CACNA1G: variants seen among roughly 807,000 people sequenced by gnomAD.
CACNA1G encodes the protein voltage-dependent T-type calcium channel subunit alpha-1G.
A neutral mutation model predicts 219.4 loss-of-function variants in CACNA1G; 67 were observed. That is an observed-to-expected ratio of 0.31 (90% CI 0.25 to 0.37). The LOEUF (loss-of-function observed/expected upper bound fraction) is 0.37. Ranked by LOEUF, CACNA1G falls within the 10% of genes least tolerant of loss-of-function variation. The pLI, the probability that CACNA1G is intolerant of heterozygous loss-of-function variation, is 1.00. For synonymous variants in CACNA1G, 1,296 were observed against 1,345.3 expected (o/e 0.96, Z 0.80); for missense variants, 2,380 against 3,231.4 (o/e 0.74, Z 6.39).
intron 13 of CACNA1G, 138 bp downstream of exon 13, chr17:50,592,230 C>T (rs552724811): frequency 1.5e-5 from 13 of 865,724 alleles, no homozygotes; most frequent in Admixed American, 5.7e-5. Flanking sequence ...TAGACTAAGC[C>T]GGGGTGGACC....
At chr17:50,592,247 G>A (rs2044477290) in intron 13 of CACNA1G, among the ~76,000 whole-genome samples, 155 bp downstream of exon 13, 1 of 152,158 alleles carries the variant, frequency 6.6e-6, no homozygotes, top group Non-Finnish European at 1.5e-5. Flanking sequence ...GACCAGGGCG[G>A]GAGGCTCCAG....
chr17:50,586,179 C>G, intron 9 of CACNA1G, among the ~76,000 whole-genome samples: 1 of 152,232 alleles, frequency 6.6e-6, no homozygotes, highest in East Asian at 1.9e-4. Flanking sequence ...GCCACCACTG[C>G]AGCCAGATTA....
At chr17:50,592,773 C>T (rs1030279401) in intron 13 of CACNA1G, among the ~76,000 whole-genome samples, 2 of 152,174 alleles carry the variant, frequency 1.3e-5, no homozygotes, top group Admixed American at 1.3e-4. Flanking sequence ...CCAGACCCAC[C>T]CCAGCTTGCT....
intron 24 of CACNA1G, chr17:50,607,458 A>T: frequency 3.0e-6 from 1 of 334,426 alleles, no homozygotes; most frequent in East Asian, 7.5e-5. Flanking sequence ...GCACCACTGC[A>T]CTCCAGCCTA....
chr17:50,586,533 T>C (rs559241101), intron 9 of CACNA1G, among the ~76,000 whole-genome samples: 25 of 152,116 alleles, frequency 1.6e-4, no homozygotes, highest in African/African-American at 5.8e-4. Flanking sequence ...TTGCCCCCAG[T>C]GTGGTGTTTA....
Position 50,572,536 on chromosome 17 carries a change from C to T in CACNA1G, c.747-18C>T. ...CCCACTCCCCAGTCTCACCCCTGTT[C>T]CCCTTCCCATCCTGCAGCCCCCTGA... On this transcript the variant is annotated intron_variant, in intron 5 of 37. Coordinates refer to ENST00000359106, the MANE Select transcript of CACNA1G (RefSeq NM_018896.5). 1 of 1,515,556 alleles carries T rather than the reference C, an allele frequency of 6.6e-7. No individual in the cohort carries two copies. Among genetic ancestry groups the T allele is most frequent in the Admixed American group, 2.1e-5 (1 of 48,650 alleles). The allele number at this position is 1,515,556 out of a possible 1,614,324, so 93.9% of individuals were successfully genotyped here. A position where few individuals can be genotyped will look rare whatever the true frequency, so the allele number is the denominator to read the frequency against.
At chr17:50,619,041 G>A (rs775183794) in intron 33 of CACNA1G, 33 bp downstream of exon 33, 1 of 1,466,574 alleles carries the variant, frequency 6.8e-7, no homozygotes, top group Non-Finnish European at 9.0e-7. Context: ...CGTGAGAGGA[G>A]CTGGGGCAGG....
intron 7 of CACNA1G, among the ~76,000 whole-genome samples, chr17:50,575,026 G>A (rs1336229914): frequency 1.3e-5 from 2 of 152,184 alleles, no homozygotes; most frequent in East Asian, 1.9e-4. Flanking sequence ...CTCGCCCAAA[G>A]TCACACAGCT....
At position 50,575,887 on chromosome 17, in the gene CACNA1G, G is replaced by GCAC. The variant is rs751803143; in HGVS notation, c.1500_1502dup (p.His504dup). On this transcript the variant is annotated inframe_insertion, in exon 8 of 38. Coordinates refer to ENST00000359106, the MANE Select transcript of CACNA1G (RefSeq NM_018896.5). ...GCCGCCTATCCGTCCACCACCTGGT[G>GCAC]CACCACCACCACCACCATCACCACC... The GCAC allele has an allele frequency of 9.6e-6, 15 of 1,556,066 alleles. No homozygotes were observed. The highest frequency in any genetic ancestry group is 1.4e-5 in the African/African-American group (1 of 73,482).
chr17:50,607,567 C>G, intron 24 of CACNA1G: 1 of 479,756 alleles, frequency 2.1e-6, no homozygotes, highest in South Asian at 2.8e-5. Context: ...GTCTGAAGAT[C>G]TGGGAAGACT....
At position 50,576,112 on chromosome 17, in the gene CACNA1G, G is replaced by T. The variant is rs753452374; in HGVS notation, c.1710G>T (p.Ala570=). ...DCHLEPVRCQ[A]PPPRSPSEAS... is the part of the protein sequence containing the mutation. ...ACTTAGAGCCAGTCCGCTGCCAGGC[G>T]CCCCCTCCCAGGTCCCCATCTGAGG... is the stretch of plus-strand genomic sequence containing the variant. The change falls in exon 8 of 38, where the codon GCG becomes GCT. Residue 570 remains alanine, a synonymous_variant. Transcript: ENST00000359106. The T allele has an allele frequency of 3.8e-6, 6 of 1,597,840 alleles. No individual in the cohort carries two copies. The highest frequency in any genetic ancestry group is 5.1e-6 in the Non-Finnish European group (6 of 1,173,166).
At chr17:50,608,842 C>T (rs2048533114) in intron 25 of CACNA1G, among the ~76,000 whole-genome samples, 2 of 152,210 alleles carry the variant, frequency 1.3e-5, no homozygotes, top group South Asian at 4.1e-4. Flanking sequence ...TGCGTCTGCA[C>T]CTGTCTCCCT....
intron 7 of CACNA1G, among the ~76,000 whole-genome samples, chr17:50,575,284 T>C (rs1350566215): frequency 6.6e-6 from 1 of 152,164 alleles, no homozygotes; most frequent in Non-Finnish European, 1.5e-5. Context: ...AGAGCTTGGT[T>C]CCAGTCTTAG....
chr17:50,569,102 T>A, intron 2 of CACNA1G, 63 bp from the exon 3 acceptor site: 2 of 1,583,048 alleles, frequency 1.3e-6, no homozygotes, highest in Non-Finnish European at 1.7e-6. Flanking sequence ...GGGACTAGGG[T>A]GGGACTAGAG....
At chr17:50,620,762 C>G (rs575278688) in intron 34 of CACNA1G, among the ~76,000 whole-genome samples, 95 of 152,332 alleles carry the variant, frequency 6.2e-4, no homozygotes, top group African/African-American at 2.3e-3. Context: ...GGGACCTTGC[C>G]TCTTGTTGGG....
intron 26 of CACNA1G, among the ~76,000 whole-genome samples, chr17:50,610,334 G>A (rs2048947810): frequency 6.6e-6 from 1 of 152,218 alleles, no homozygotes. Context: ...GAGGAGCAGA[G>A]AGGGGAAGGA....
chr17:50,597,791 C>T (rs187728972), intron 16 of CACNA1G, among the ~76,000 whole-genome samples: 5 of 152,312 alleles, frequency 3.3e-5, no homozygotes, highest in African/African-American at 7.2e-5. Context: ...CCCATTGGTC[C>T]CATCCTTACC....
chr17:50,606,462 G>C, intron 23 of CACNA1G: 1 of 587,526 alleles, frequency 1.7e-6, no homozygotes. Context: ...AATCTCCTCG[G>C]AGGTCACAAT....
intron 35 of CACNA1G, among the ~76,000 whole-genome samples, chr17:50,623,115 A>G (rs775346350): frequency 0.01 from 628 of 60,262 alleles, 5 homozygotes; most frequent in Admixed American, 0.016. Context: ...TTTTTTTTTG[A>G]GACAGGGTCT....
Sources: gnomAD v4.1 joint callset for allele counts (sites outside exome capture counted in the v4.1 genomes callset) on GRCh38, gnomAD v4.1.1 for gene constraint, MANE v1.5 for transcripts, NCBI Gene and HGNC (gene_info 2026-07-23, HGNC 2026-07-21) for gene names.